Variants in RBMS3 observed in about 807,000 individuals in gnomAD.
RBMS3 encodes RNA binding motif single stranded interacting protein 3.
A neutral mutation model predicts 66.8 loss-of-function variants in RBMS3; 27 were observed. The ratio of observed to expected loss-of-function variants is 0.40; its 90% CI spans 0.30 to 0.56. The LOEUF (loss-of-function observed/expected upper bound fraction) is 0.56. Among genes scored for constraint, RBMS3 ranks in the 20% least tolerant of loss-of-function variants. The pLI is 0.40. For synonymous variants in RBMS3, 188 were observed against 183.0 expected (o/e 1.03, Z -0.22); for missense variants, 513 against 549.5 (o/e 0.93, Z 0.66).
At position 30,004,607 on chromosome 3, in the gene RBMS3, T is replaced by C. The variant is rs1699749330; in HGVS notation, c.*745T>C. ...TGATAAACCATGGCAACTGCAAGAATTGGAAAAATGCTGGGACTTTTCATG... is the reference window on the plus strand; with the variant it reads ...TGATAAACCATGGCAACTGCAAGAACTGGAAAAATGCTGGGACTTTTCATG... On this transcript the variant is annotated 3_prime_UTR_variant, in exon 15 of 15. Coordinates refer to ENST00000383767, the MANE Select transcript of RBMS3 (RefSeq NM_001003793.3). The C allele has an allele frequency of 6.6e-6, 1 of 152,266 alleles. No homozygotes were observed. Among genetic ancestry groups the C allele is most frequent in the African/African-American group, 2.4e-5 (1 of 41,416 alleles). The allele number at this position is 152,266 out of a possible 1,614,324, so 9.4% of individuals were successfully genotyped here. A position where few individuals can be genotyped will look rare whatever the true frequency, so the allele number is the denominator to read the frequency against.
intron 6 of RBMS3, among the ~76,000 whole-genome samples, chr3:29,845,328 TA>T (rs1278122402): frequency 6.6e-6 from 1 of 152,108 alleles, no homozygotes; most frequent in Non-Finnish European, 1.5e-5. Flanking sequence ...ATCTCCATTG[TA>T]AAAATAGGTC....
At chr3:29,988,367 T>TATAAACATTTACTTG in intron 13 of RBMS3, 144 bp downstream of exon 13, 1 of 646,740 alleles carries the variant, frequency 1.5e-6, no homozygotes, top group Non-Finnish European at 2.6e-6. Flanking sequence ...TGTATGAAAG[T>TATAAACATTTACTTG]ATAAACATTT....
intron 1 of RBMS3, among the ~76,000 whole-genome samples, chr3:29,404,349 T>C (rs1258559919): frequency 6.6e-6 from 1 of 152,112 alleles, no homozygotes; most frequent in Non-Finnish European, 1.5e-5. Context: ...TAAAATGAAG[T>C]GAGAACATAT....
chr3:29,282,861 GC>G (rs2031932424), intron 1 of RBMS3, among the ~76,000 whole-genome samples: 1 of 152,126 alleles, frequency 6.6e-6, no homozygotes, highest in Non-Finnish European at 1.5e-5. Flanking sequence ...GTCTCGTCCA[GC>G]AACGCCTATT....
At chr3:29,814,465 G>A (rs567935748) in intron 6 of RBMS3, among the ~76,000 whole-genome samples, 7 of 152,266 alleles carry the variant, frequency 4.6e-5, no homozygotes, top group African/African-American at 7.2e-5. Context: ...GTCTCTGCCA[G>A]GCTTTGGTAT....
chr3:29,987,495 G>A (rs1698469276), intron 12 of RBMS3, among the ~76,000 whole-genome samples: 1 of 152,014 alleles, frequency 6.6e-6, no homozygotes, highest in Non-Finnish European at 1.5e-5. Flanking sequence ...AGAAAAATCT[G>A]GTGAATTAAA....
At chr3:29,710,425 T>G (rs1317973561) in intron 4 of RBMS3, among the ~76,000 whole-genome samples, 2 of 152,168 alleles carry the variant, frequency 1.3e-5, no homozygotes, top group East Asian at 3.9e-4. Context: ...TCCAGAAGCC[T>G]TATAAGGAAG....
At chr3:29,389,287 C>T (rs1187349291) in intron 1 of RBMS3, among the ~76,000 whole-genome samples, 1 of 152,080 alleles carries the variant, frequency 6.6e-6, no homozygotes, top group African/African-American at 2.4e-5. Flanking sequence ...ATTGCTGTAA[C>T]AGTGATCTCA....
chr3:29,282,502 A>G (rs1447039450), intron 1 of RBMS3, among the ~76,000 whole-genome samples: 1 of 152,100 alleles, frequency 6.6e-6, no homozygotes, highest in African/African-American at 2.4e-5. Context: ...TCAAATGACC[A>G]TTAGGGGCCC....
chr3:29,820,188 C>CAAAAAAAAAAAAAAAA (rs71091078), intron 6 of RBMS3, among the ~76,000 whole-genome samples: 1 of 69,828 alleles, frequency 1.4e-5, no homozygotes. Context: ...GACTTCTTCT[C>CAAAAAAAAAAAAAAAA]AAAAAAAAAA....
At chr3:29,709,241 T>C (rs937245027) in intron 4 of RBMS3, among the ~76,000 whole-genome samples, 7 of 152,112 alleles carry the variant, frequency 4.6e-5, no homozygotes, top group African/African-American at 1.7e-4. Context: ...TTAGAATTCT[T>C]GTACTTGATT....
intron 9 of RBMS3, 120 bp from the exon 10 acceptor site, chr3:29,899,585 G>A (rs1247628325): frequency 2.1e-5 from 16 of 770,952 alleles, no homozygotes; most frequent in East Asian, 2.8e-5. Flanking sequence ...TTTTGAGCAC[G>A]AATTAACTGT....
chr3:29,505,841 G>A (rs915150356), intron 3 of RBMS3, among the ~76,000 whole-genome samples: 3 of 151,442 alleles, frequency 2.0e-5, no homozygotes, highest in Non-Finnish European at 4.4e-5. Flanking sequence ...TGTAGTGATG[G>A]TAAATGGGAT....
chr3:29,811,371 C>A (rs2057724599), intron 6 of RBMS3, among the ~76,000 whole-genome samples: 1 of 152,134 alleles, frequency 6.6e-6, no homozygotes, highest in African/African-American at 2.4e-5. Context: ...AGTAAGCAGC[C>A]TTCTTAACTG....
intron 3 of RBMS3, among the ~76,000 whole-genome samples, chr3:29,520,984 G>C (rs2044834787): frequency 6.6e-6 from 1 of 151,976 alleles, no homozygotes; most frequent in East Asian, 1.9e-4. Flanking sequence ...ACTGTGTTCA[G>C]GTCTCCGCTC....
chr3:29,660,124 G>T (rs1482817460), intron 4 of RBMS3, among the ~76,000 whole-genome samples: 1 of 151,946 alleles, frequency 6.6e-6, no homozygotes, highest in South Asian at 2.1e-4. Flanking sequence ...CCTTTTCAGT[G>T]TGTTCACTAT....
chr3:29,733,190 C>T (rs1316529758), intron 4 of RBMS3, among the ~76,000 whole-genome samples: 5 of 151,698 alleles, frequency 3.3e-5, no homozygotes, highest in African/African-American at 9.7e-5. Context: ...TGTTTCATAC[C>T]TCTTCAGGGT....
chr3:29,289,553 T>C (rs1407428896), intron 1 of RBMS3, among the ~76,000 whole-genome samples: 2 of 151,752 alleles, frequency 1.3e-5, no homozygotes, highest in African/African-American at 4.8e-5. Flanking sequence ...AGAATCCAAA[T>C]ATAGACATAT....
intron 5 of RBMS3, among the ~76,000 whole-genome samples, chr3:29,744,532 C>T (rs1182525161): frequency 1.3e-5 from 2 of 152,092 alleles, no homozygotes; most frequent in Non-Finnish European, 2.9e-5. Flanking sequence ...ACCTGTAATC[C>T]CAGCACTTTG....
Sources: gnomAD v4.1 joint callset for allele counts (sites outside exome capture counted in the v4.1 genomes callset) on GRCh38, gnomAD v4.1.1 for gene constraint, MANE v1.5 for transcripts, NCBI Gene and HGNC (gene_info 2026-07-23, HGNC 2026-07-21) for gene names.